TNIP3: variants seen among roughly 807,000 people sequenced by gnomAD.
TNIP3 encodes the protein TNFAIP3 interacting protein 3.
In TNIP3, 34 loss-of-function variants were observed where a neutral mutation model predicts 54.1. That is an observed-to-expected ratio of 0.63 (90% confidence interval 0.48 to 0.84). The LOEUF (loss-of-function observed/expected upper bound fraction) is 0.84, where lower values mean the gene tolerates loss of function less well. Ranked by LOEUF, TNIP3 falls within the 40% of genes least tolerant of loss-of-function variation. The probability of loss-of-function intolerance (pLI) is 0.00; values close to 1 mark genes in which losing one functional copy is unlikely to be tolerated. For synonymous variants in TNIP3, 134 were observed against 136.8 expected, an observed-to-expected ratio of 0.98 and a Z score of 0.14; for missense variants, 366 against 387.6, an observed-to-expected ratio of 0.94 and a Z score of 0.47.
chr4:121,165,543 C>T (rs147246834), upstream of TNIP3, among the ~76,000 whole-genome samples: 2 of 152,198 alleles, frequency 1.3e-5, no homozygotes, highest in Non-Finnish European at 2.9e-5. Context: ...TCTGTGTCCA[C>T]GCACCCAGGC....
intron 9 of TNIP3, among the ~76,000 whole-genome samples, chr4:121,139,738 T>C (rs1729001369): frequency 6.6e-6 from 1 of 152,192 alleles, no homozygotes; most frequent in Admixed American, 6.5e-5. Flanking sequence ...CCTTGGCTCC[T>C]CTGGCTTATG....
At chr4:121,199,523 A>G (rs6847595) in intron 2 of TNIP3, among the ~76,000 whole-genome samples, 6,733 of 152,186 alleles carry the variant, frequency 0.044, 494 homozygotes, top group African/African-American at 0.15. Flanking sequence ...AGGAAGTGAC[A>G]CCTGGGAACC....
At chr4:121,182,139 A>T (rs1724751361) in intron 3 of TNIP3, among the ~76,000 whole-genome samples, 1 of 152,176 alleles carries the variant, frequency 6.6e-6, no homozygotes, top group South Asian at 2.1e-4. Context: ...CAAGAAAGTC[A>T]TCTGTAAAAT....
intron 7 of TNIP3, among the ~76,000 whole-genome samples, chr4:121,143,722 C>T: frequency 6.6e-6 from 1 of 152,138 alleles, no homozygotes; most frequent in Non-Finnish European, 1.5e-5. Context: ...CAATACATAA[C>T]TTTGTTTCAT....
chr4:121,165,729 C>T (rs772317810), upstream of TNIP3, among the ~76,000 whole-genome samples: 12 of 150,976 alleles, frequency 7.9e-5, no homozygotes, highest in South Asian at 4.2e-4. Context: ...TTTGGGTCTA[C>T]GCTTGAGTGA....
chr4:121,194,698 C>T (rs572856367), intron 2 of TNIP3, among the ~76,000 whole-genome samples: 1 of 152,112 alleles, frequency 6.6e-6, no homozygotes, highest in African/African-American at 2.4e-5. Context: ...ACCCCTAAAC[C>T]TTGAGTGTCT....
At chr4:121,134,461 T>C (rs1365609010) in intron 10 of TNIP3, among the ~76,000 whole-genome samples, 1 of 152,258 alleles carries the variant, frequency 6.6e-6, no homozygotes, top group African/African-American at 2.4e-5. Context: ...ATGTTCTTTG[T>C]AAAATCACGT....
intron 2 of TNIP3, among the ~76,000 whole-genome samples, chr4:121,211,914 C>T (rs1350510899): frequency 1.3e-5 from 2 of 152,224 alleles, no homozygotes; most frequent in East Asian, 3.8e-4. Context: ...TGTGCCACCA[C>T]AGCTTTTATC....
At chr4:121,199,549 C>T (rs1450837047) in intron 2 of TNIP3, among the ~76,000 whole-genome samples, 1 of 152,140 alleles carries the variant, frequency 6.6e-6, no homozygotes, top group Non-Finnish European at 1.5e-5. Flanking sequence ...TTAAAGATTT[C>T]AACCCATGAC....
At chr4:121,208,090 A>G (rs1039331445) in intron 2 of TNIP3, among the ~76,000 whole-genome samples, 8 of 152,160 alleles carry the variant, frequency 5.3e-5, no homozygotes, top group African/African-American at 7.2e-5. Context: ...TGTAAGTCCA[A>G]TTAAACTTCT....
intron 6 of TNIP3, among the ~76,000 whole-genome samples, chr4:121,148,058 G>A (rs1729534843): frequency 6.6e-6 from 1 of 152,144 alleles, no homozygotes; most frequent in African/African-American, 2.4e-5. Context: ...TTTTGGTTGA[G>A]AACTGACATT....
intron 5 of TNIP3, 135 bp from the exon 6 acceptor site, chr4:121,150,354 A>T: frequency 2.1e-6 from 1 of 476,770 alleles, no homozygotes; most frequent in Non-Finnish European, 3.8e-6. Flanking sequence ...TAACCAAGTA[A>T]CTTTCTTCTT....
chr4:121,156,953 G>C (rs1235180696), intron 4 of TNIP3, 141 bp downstream of exon 4: 1 of 1,038,096 alleles, frequency 9.6e-7, no homozygotes, highest in African/African-American at 1.6e-5. Context: ...GGGGACTTGC[G>C]TAACCCATGC....
At chr4:121,154,325 T>C in intron 5 of TNIP3, 1 of 490,842 alleles carries the variant, frequency 2.0e-6, no homozygotes, top group Non-Finnish European at 3.6e-6. Flanking sequence ...TCATTTCTCT[T>C]TCTCATGATG....
intron 10 of TNIP3, among the ~76,000 whole-genome samples, chr4:121,134,067 C>T (rs1434804661): frequency 6.6e-6 from 1 of 152,106 alleles, no homozygotes; most frequent in Non-Finnish European, 1.5e-5. Flanking sequence ...TCCTAGGAGA[C>T]AAATCCAGTC....
intron 10 of TNIP3, among the ~76,000 whole-genome samples, chr4:121,134,199 T>G (rs1049799518): frequency 2.0e-5 from 3 of 152,180 alleles, no homozygotes; most frequent in Admixed American, 2.0e-4. Context: ...TTTTATGCCT[T>G]TCTAGATACA....
intron 2 of TNIP3, among the ~76,000 whole-genome samples, chr4:121,206,754 C>T (rs946724124): frequency 4.0e-5 from 6 of 151,870 alleles, no homozygotes; most frequent in Admixed American, 3.9e-4. Flanking sequence ...TCTTTTAATA[C>T]AGATGGGGTT....
chr4:121,203,171 C>A (rs752691363), intron 2 of TNIP3, among the ~76,000 whole-genome samples: 1 of 151,730 alleles, frequency 6.6e-6, no homozygotes, highest in Non-Finnish European at 1.5e-5. Context: ...AATATGAAAC[C>A]AGCCCAAATG....
Position 121,156,957 on chromosome 4 carries a change from C to T in TNIP3, c.363+137G>A, listed in dbSNP as rs1266506027. Reference sequence around the variant, plus strand: ...TCATGGCTCTTGGGGACTTGCGTAACCCATGCACCCTTGCACATCGGTCGT... The same window carrying T: ...TCATGGCTCTTGGGGACTTGCGTAATCCATGCACCCTTGCACATCGGTCGT... On this transcript the variant is annotated intron_variant, in intron 4 of 10. Transcript: ENST00000057513. 1.7e-5 allele frequency: 19 copies of T among 1,098,794 alleles called. No homozygotes were observed. The East Asian group carries it at 4.1e-4, about 24-fold the overall frequency. The allele number at this position is 1,098,794 out of a possible 1,614,324, so 68.1% of individuals were successfully genotyped here.
Sources: allele counts gnomAD v4.1 joint callset (sites outside exome capture counted in the v4.1 genomes callset), GRCh38; gene constraint gnomAD v4.1.1; transcripts MANE v1.5; gene names NCBI Gene and HGNC (gene_info 2026-07-23, HGNC 2026-07-21).